ANO10: variants seen among roughly 807,000 people sequenced by gnomAD.
ANO10 encodes anoctamin-10.
A neutral mutation model predicts 74.7 loss-of-function variants in ANO10; 77 were observed. The observed-to-expected ratio is 1.03, with a 90% CI of 0.86 to 1.25. The LOEUF (loss-of-function observed/expected upper bound fraction) is 1.25. ANO10 is among the 50% of genes most tolerant of loss of function. The pLI, the probability that ANO10 is intolerant of heterozygous loss-of-function variation, is 0.00. For missense variants in ANO10, 721 were observed against 778.1 expected (o/e 0.93, Z 0.87); for synonymous variants, 279 against 284.9 (o/e 0.98, Z 0.21).
At chr3:43,383,485 C>T (rs1379754997) in intron 12 of ANO10, among the ~76,000 whole-genome samples, 10 of 150,528 alleles carry the variant, frequency 6.6e-5, no homozygotes, top group Non-Finnish European at 1.3e-4. Flanking sequence ...GGATACTCCA[C>T]CATGATCAAG....
chr3:43,382,091 TAAG>T (rs1054355915), intron 12 of ANO10, among the ~76,000 whole-genome samples: 11 of 152,206 alleles, frequency 7.2e-5, no homozygotes, highest in Non-Finnish European at 1.3e-4. Context: ...AAGGTGGTGC[TAAG>T]AAGAACGTTC....
rs373527306 is a variant in ANO10 at position 43,650,755 on chromosome 3, CTGTT to C, written c.-12+40758_-12+40761del. 5.1e-4 allele frequency among the ~76,000 whole-genome samples: 77 copies of C among 152,232 alleles called. No individual in the cohort carries two copies. The East Asian group carries it at 0.013, about 25-fold the overall frequency. On this transcript the variant is annotated intron_variant, in intron 1 of 3. Transcript: ENST00000413397. ...ATTATCTTAAGCCAGCTGCTGTGTTCTGTTTGTGTTCATTCAACTTTTAAAATTT... is the reference window on the plus strand; with the variant it reads ...ATTATCTTAAGCCAGCTGCTGTGTTCTGTGTTCATTCAACTTTTAAAATTT...
At chr3:43,533,351 T>C (rs1375860408) in intron 11 of ANO10, among the ~76,000 whole-genome samples, 1 of 152,182 alleles carries the variant, frequency 6.6e-6, no homozygotes, top group Non-Finnish European at 1.5e-5. Context: ...GAAGTAGAAT[T>C]TGTAGGCCAA....
At chr3:43,414,869 C>T (rs930848748) in intron 12 of ANO10, among the ~76,000 whole-genome samples, 2 of 151,720 alleles carry the variant, frequency 1.3e-5, no homozygotes, top group African/African-American at 4.8e-5. Context: ...GTTCATTCTG[C>T]ATCTTCCTAA....
intron 10 of ANO10, chr3:43,551,405 A>G (rs2079451467): frequency 2.4e-6 from 1 of 411,022 alleles, no homozygotes; most frequent in African/African-American, 2.1e-5. Context: ...TTGAGTTATA[A>G]TTTACATATA....
chr3:43,636,823 T>C (rs531527423), intron 1 of ANO10, among the ~76,000 whole-genome samples: 33 of 152,326 alleles, frequency 2.2e-4, no homozygotes, highest in Middle Eastern at 3.4e-3. Flanking sequence ...TAAAATATAT[T>C]GGGAGTCTCA....
chr3:43,533,793 A>G (rs1214855695), intron 11 of ANO10, among the ~76,000 whole-genome samples: 1 of 152,252 alleles, frequency 6.6e-6, no homozygotes, highest in Admixed American at 6.5e-5. Context: ...TTTGTAAAAT[A>G]CCATTCAAGT....
chr3:43,544,042 G>A (rs1324521275), intron 11 of ANO10, among the ~76,000 whole-genome samples: 3 of 152,070 alleles, frequency 2.0e-5, no homozygotes, highest in Non-Finnish European at 4.4e-5. Flanking sequence ...TTAATATTTG[G>A]AAGATATCAG....
At chr3:43,516,610 A>G (rs2077723021) in intron 11 of ANO10, among the ~76,000 whole-genome samples, 1 of 152,196 alleles carries the variant, frequency 6.6e-6, no homozygotes, top group South Asian at 2.1e-4. Context: ...CTGGAGAGAA[A>G]GAAACTGAAG....
At chr3:43,469,870 G>C (rs1424360430) in intron 11 of ANO10, among the ~76,000 whole-genome samples, 1 of 152,116 alleles carries the variant, frequency 6.6e-6, no homozygotes, top group Non-Finnish European at 1.5e-5. Context: ...GAAGCTCCAC[G>C]AGGCAAGGAA....
chr3:43,656,329 C>T (rs1265517427), intron 1 of ANO10, among the ~76,000 whole-genome samples: 1 of 152,246 alleles, frequency 6.6e-6, no homozygotes, highest in African/African-American at 2.4e-5. Flanking sequence ...AGGTTCTCCA[C>T]GTCCCCACCA....
intron 11 of ANO10, among the ~76,000 whole-genome samples, 198 bp downstream of exon 11, chr3:43,549,522 A>G (rs1397003513): frequency 6.6e-6 from 1 of 152,136 alleles, no homozygotes; most frequent in Non-Finnish European, 1.5e-5. Context: ...TTGTGGTGAC[A>G]GTTTTTCATA....
chr3:43,562,455 C>CAAAAA (rs1169816392), intron 8 of ANO10, among the ~76,000 whole-genome samples: 16 of 69,944 alleles, frequency 2.3e-4, no homozygotes, highest in South Asian at 6.8e-4. Flanking sequence ...CTGTCTCAAA[C>CAAAAA]AAAAAAAAAA....
At chr3:43,466,366 T>A (rs760180906) in intron 11 of ANO10, among the ~76,000 whole-genome samples, 2 of 47,280 alleles carry the variant, frequency 4.2e-5, no homozygotes, top group Admixed American at 3.1e-4. Flanking sequence ...CAAGACTCCA[T>A]CTCAAAAAAA....
intron 12 of ANO10, among the ~76,000 whole-genome samples, chr3:43,380,748 T>C (rs1004183441): frequency 2.6e-5 from 4 of 152,192 alleles, no homozygotes; most frequent in Admixed American, 2.6e-4. Context: ...CCTTAAAGTA[T>C]AAATCTCACA....
At chr3:43,618,669 C>T (rs1290622575) in intron 1 of ANO10, among the ~76,000 whole-genome samples, 1 of 152,112 alleles carries the variant, frequency 6.6e-6, no homozygotes, top group East Asian at 1.9e-4. Context: ...TGAAAGATTC[C>T]CACTGCCAAT....
chr3:43,656,416 C>T (rs2083852837), intron 1 of ANO10, among the ~76,000 whole-genome samples: 1 of 152,248 alleles, frequency 6.6e-6, no homozygotes, highest in East Asian at 1.9e-4. Flanking sequence ...CAGTCCTGTG[C>T]CGTGCGCTCG....
rs1445479935 is a variant in ANO10 at position 43,366,169 on chromosome 3, CCAG to C, written c.*734_*736del. The C allele has an allele frequency of 6.5e-6, 1 of 153,816 alleles. No homozygotes were observed. Among genetic ancestry groups the C allele is most frequent in the Non-Finnish European group, 1.4e-5 (1 of 69,246 alleles). 9.5% of individuals were successfully genotyped at this position (153,816 alleles called of 1,614,324 possible). On this transcript the variant is annotated 3_prime_UTR_variant, in exon 13 of 13. Transcript: ENST00000292246. The stretch of plus-strand genomic sequence containing the variant: ...CTAGTGTCCCTGTAGGTGGGCACCA[CCAG>C]CAGCAGTTCTCAAAAATGGCCCAGC...
intron 12 of ANO10, 33 bp from the exon 13 acceptor site, chr3:43,367,007 AC>A (rs1288260521): frequency 6.4e-7 from 1 of 1,572,976 alleles, no homozygotes; most frequent in East Asian, 2.3e-5. Flanking sequence ...CAGGTGAGCC[AC>A]AGAAGCCTAA....
Sources: gnomAD v4.1 joint callset for allele counts (sites outside exome capture counted in the v4.1 genomes callset) on GRCh38, gnomAD v4.1.1 for gene constraint, MANE v1.5 for transcripts, NCBI Gene and HGNC (gene_info 2026-07-23, HGNC 2026-07-21) for gene names.